Variants in KDM6A observed in about 807,000 individuals in gnomAD.
The protein encoded by KDM6A is lysine demethylase 6A, also known as lysine-specific demethylase 6A.
A neutral mutation model predicts 117.6 loss-of-function variants in KDM6A; 11 were observed. The ratio of observed to expected loss-of-function variants is 0.09; its 90% confidence interval spans 0.06 to 0.15. The LOEUF is 0.15. Ranked by LOEUF, KDM6A falls within the 10% of genes least tolerant of loss-of-function variation. KDM6A has a pLI of 1.00. For synonymous variants in KDM6A, 384 were observed against 396.1 expected (o/e 0.97, Z 0.36); for missense variants, 799 against 1,077.3 (o/e 0.74, Z 3.62).
At chrX:45,109,135 TAATAATA>T (rs1293156681) in intron 28 of KDM6A, among the ~76,000 whole-genome samples, 39 of 89,648 alleles carry the variant, frequency 4.4e-4, no homozygotes, top group African/African-American at 1.6e-3. Flanking sequence ...AAAATAATAA[TAATAATA>T]AATAAATAAA....
At position 44,873,600 on chromosome X, in the gene KDM6A, G is replaced by A. The variant is rs1018780128; in HGVS notation, c.49G>A (p.Ala17Thr). Residue 17 changes from alanine to threonine, a missense_variant, in exon 1 of 30, where the codon GCT (alanine) becomes ACT (threonine). Ala to Thr is a moderately conservative substitution (Grantham distance 58). Transcript: ENST00000611820. ...CGCTACCGCCGCCGCTGCCGCCGCC[G>A]CTTTCGGTGATGAGGAAAAGAAAAT... ...SLATAAAAAA[A>T]FGDEEKKMAA... 1.3e-5 allele frequency: 16 copies of A among 1,205,591 alleles called. No homozygotes were observed. The highest frequency in any genetic ancestry group is 1.8e-5 in the Non-Finnish European group (16 of 893,078).
intron 2 of KDM6A, among the ~76,000 whole-genome samples, chrX:44,899,004 G>GGTAT (rs1555971010): frequency 3.8e-5 from 3 of 79,642 alleles, no homozygotes; most frequent in Non-Finnish European, 6.7e-5. Context: ...GGAGAGGGAG[G>GGTAT]GTGTGTGTGT....
At chrX:45,047,470 TTTC>T (rs1396947694) in intron 8 of KDM6A, among the ~76,000 whole-genome samples, 1 of 106,849 alleles carries the variant, frequency 9.4e-6, no homozygotes, top group Non-Finnish European at 1.9e-5. Context: ...AATGCATTGA[TTTC>T]TTTTTTTTTT....
rs186844901 is a variant in KDM6A, at chrX:45,072,467, C to T, written c.2858+2110C>T. Among the ~76,000 whole-genome samples the T allele has an allele frequency of 8.2e-5, 9 of 109,848 alleles. 1 individual carries two copies. Among genetic ancestry groups the T allele is most frequent in the Middle Eastern group, 9.3e-3 (2 of 214 alleles). On this transcript the variant is annotated intron_variant, in intron 18 of 29. Coordinates refer to ENST00000611820, the MANE Select transcript of KDM6A (RefSeq NM_001291415.2). ...TTTGAAGTTAGGCTATCATTCAGTT[C>T]AACTCTGGGCCTACAGAAAATAGGG...
intron 2 of KDM6A, among the ~76,000 whole-genome samples, chrX:44,937,103 G>T (rs1227585527): frequency 9.1e-6 from 1 of 110,291 alleles, no homozygotes; most frequent in Admixed American, 9.7e-5. Flanking sequence ...CAGTGAGTTT[G>T]ATGATACATT....
At chrX:45,091,896 G>A (rs1186171324) in intron 27 of KDM6A, among the ~76,000 whole-genome samples, 2 of 111,488 alleles carry the variant, frequency 1.8e-5, no homozygotes, top group East Asian at 5.6e-4. Flanking sequence ...TTCAAATCTA[G>A]ATCGAAACTT....
chrX:45,019,839 T>A (rs2042102863), intron 5 of KDM6A, among the ~76,000 whole-genome samples: 1 of 111,909 alleles, frequency 8.9e-6, no homozygotes, highest in Non-Finnish European at 1.9e-5. Context: ...TTAAACAATA[T>A]AATAATGTAT....
At chrX:45,042,268 G>A (rs1475743791) in intron 8 of KDM6A, among the ~76,000 whole-genome samples, 1 of 21,520 alleles carries the variant, frequency 4.6e-5, no homozygotes, top group Non-Finnish European at 7.3e-5. Context: ...GGAGAGGGGA[G>A]AGGGGAGAGG....
chrX:44,873,591 G>A lies in KDM6A; in HGVS notation c.40G>A (p.Ala14Thr), dbSNP rs2146441483. 1 of 1,205,307 alleles carries A rather than the reference G, an allele frequency of 8.3e-7. No individual in the cohort carries two copies. The highest frequency in any genetic ancestry group is 1.1e-6 in the Non-Finnish European group (1 of 893,325). The change falls in exon 1 of 30, where the codon GCC becomes ACC. Residue 14 changes from alanine (A) to threonine (T), a missense_variant. By Grantham distance (58) the Ala-to-Thr change is moderately conservative. This residue lies in a region of KDM6A where 89 missense variants were observed against 117.8 expected (regional missense o/e 0.76). Coordinates refer to ENST00000611820, the MANE Select transcript of KDM6A (RefSeq NM_001291415.2). The stretch of plus-strand genomic sequence containing the variant: ...AGTGTCGCTCGCTACCGCCGCCGCT[G>A]CCGCCGCCGCTTTCGGTGATGAGGA... Reference protein sequence around the residue: ...CGVSLATAAAAAAAFGDEEKK... With the variant: ...CGVSLATAAATAAAFGDEEKK...
chrX:44,898,945 G>A (rs1456305044), intron 2 of KDM6A, among the ~76,000 whole-genome samples: 1 of 104,954 alleles, frequency 9.5e-6, no homozygotes, highest in Non-Finnish European at 1.9e-5. Flanking sequence ...GGTGGTGGGG[G>A]GGTGTTAGAT....
intron 2 of KDM6A, among the ~76,000 whole-genome samples, chrX:44,914,952 A>G (rs2035459031): frequency 9.0e-6 from 1 of 111,339 alleles, no homozygotes; most frequent in Non-Finnish European, 1.9e-5. Flanking sequence ...CCATAGTGGT[A>G]AACCTAGTTA....
intron 2 of KDM6A, among the ~76,000 whole-genome samples, chrX:44,960,395 A>G (rs2038600355): frequency 8.9e-6 from 1 of 111,760 alleles, no homozygotes; most frequent in Admixed American, 9.5e-5. Context: ...CTTTGTTATT[A>G]CCCGTGAAGA....
At chrX:45,018,888 A>G (rs2042070706) in intron 5 of KDM6A, among the ~76,000 whole-genome samples, 2 of 111,726 alleles carry the variant, frequency 1.8e-5, no homozygotes, top group Non-Finnish European at 3.8e-5. Context: ...TTATTATAAA[A>G]TATAACATAC....
intron 2 of KDM6A, among the ~76,000 whole-genome samples, chrX:44,887,318 C>A (rs150050159): frequency 0.038 from 4,242 of 111,134 alleles, 214 homozygotes; most frequent in African/African-American, 0.13. Context: ...GTGTCAGTAA[C>A]CCTTTAGCTA....
At chrX:44,954,747 T>C (rs2038221194) in intron 2 of KDM6A, among the ~76,000 whole-genome samples, 1 of 110,818 alleles carries the variant, frequency 9.0e-6, no homozygotes, top group African/African-American at 3.3e-5. Flanking sequence ...ATTGGAAGTT[T>C]AAGAGCTGGG....
chrX:45,096,026 TC>T (rs2046090161), intron 27 of KDM6A, among the ~76,000 whole-genome samples: 2 of 111,326 alleles, frequency 1.8e-5, no homozygotes. Flanking sequence ...TTTTTACATC[TC>T]CCCCTTTTTT....
chrX:44,971,150 T>G (rs745851940), intron 3 of KDM6A, among the ~76,000 whole-genome samples: 16 of 111,990 alleles, frequency 1.4e-4, no homozygotes, highest in Non-Finnish European at 2.6e-4. Context: ...TTTCTACAGC[T>G]GGTTTGATAA....
intron 17 of KDM6A, among the ~76,000 whole-genome samples, chrX:45,065,275 G>A (rs2044478900): frequency 8.9e-6 from 1 of 111,949 alleles, no homozygotes; most frequent in Non-Finnish European, 1.9e-5. Context: ...AATCAAGGTG[G>A]CAAGCATGGC....
At chrX:44,957,882 G>T (rs961620581) in intron 2 of KDM6A, among the ~76,000 whole-genome samples, 3 of 111,662 alleles carry the variant, frequency 2.7e-5, no homozygotes, top group Non-Finnish European at 5.6e-5. Flanking sequence ...AATTATCTAG[G>T]TCTGTACTGT....
Sources: gnomAD v4.1 joint callset for allele counts (sites outside exome capture counted in the v4.1 genomes callset) on GRCh38, gnomAD v4.1.1 for gene constraint, gnomAD v4.1.1 regional missense constraint, MANE v1.5 for transcripts, NCBI Gene and HGNC (gene_info 2026-07-23, HGNC 2026-07-21) for gene names.